Variants in KHDC1 observed in about 807,000 individuals in gnomAD.
KHDC1 encodes the protein KH homology domain-containing protein 1.
Under a neutral mutation model 24.7 loss-of-function variants are expected in KHDC1, and 21 were observed. The ratio of observed to expected loss-of-function variants is 0.85; its 90% CI spans 0.60 to 1.23. The LOEUF (loss-of-function observed/expected upper bound fraction) is 1.23. Among genes scored for constraint, KHDC1 ranks in the 50% most tolerant of loss-of-function variants. The pLI is 0.00. For missense variants in KHDC1, 274 were observed against 298.5 expected, an observed-to-expected ratio of 0.92 and a Z score of 0.61; for synonymous variants, 98 against 111.7, an observed-to-expected ratio of 0.88 and a Z score of 0.77.
At chr6:73,298,658 C>G (rs1424191263) in intron 1 of KHDC1, among the ~76,000 whole-genome samples, 10 of 151,698 alleles carry the variant, frequency 6.6e-5, no homozygotes, top group Non-Finnish European at 1.2e-4. Context: ...GTCAGGATCA[C>G]CTGACCTCAG....
At chr6:73,250,997 G>T (rs946610601) in intron 2 of KHDC1, among the ~76,000 whole-genome samples, 1 of 152,000 alleles carries the variant, frequency 6.6e-6, no homozygotes, top group African/African-American at 2.4e-5. Flanking sequence ...GCTAATTTTT[G>T]TATTTTTAGT....
chr6:73,291,428 T>G (rs1296683530), intron 2 of KHDC1: 1 of 176,588 alleles, frequency 5.7e-6, no homozygotes, highest in Non-Finnish European at 1.2e-5. Flanking sequence ...ATCTTTTAAG[T>G]TGGAACATGT....
chr6:73,264,876 C>G (rs1767053578), intron 2 of KHDC1, among the ~76,000 whole-genome samples: 1 of 152,154 alleles, frequency 6.6e-6, no homozygotes, highest in Non-Finnish European at 1.5e-5. Flanking sequence ...CTTGAGTGAG[C>G]AAGGCAGATT....
chr6:73,264,647 C>G (rs915437089), intron 2 of KHDC1, among the ~76,000 whole-genome samples: 20 of 152,284 alleles, frequency 1.3e-4, no homozygotes, highest in African/African-American at 4.8e-4. Context: ...TTTGGCAAGC[C>G]TGGGCCAGAG....
chr6:73,274,502 A>G (rs1309350011), intron 2 of KHDC1: 1 of 152,236 alleles, frequency 6.6e-6, no homozygotes, highest in East Asian at 1.9e-4. Flanking sequence ...GGGCAAGACC[A>G]GGTGGAAGTA....
intron 1 of KHDC1, among the ~76,000 whole-genome samples, chr6:73,305,907 C>A (rs1206267680): frequency 6.6e-6 from 1 of 152,156 alleles, no homozygotes; most frequent in Non-Finnish European, 1.5e-5. Context: ...GATCTGCCCA[C>A]CTTGGCCTCC....
intron 2 of KHDC1, among the ~76,000 whole-genome samples, chr6:73,261,459 T>G (rs2054043): frequency 0.067 from 10,081 of 150,714 alleles, 350 homozygotes; most frequent in East Asian, 0.13. Context: ...AAATAAAATT[T>G]TTTTTAAAAA....
chr6:73,247,532 T>C (rs1302755099), intron 2 of KHDC1, among the ~76,000 whole-genome samples: 1 of 152,078 alleles, frequency 6.6e-6, no homozygotes, highest in Non-Finnish European at 1.5e-5. Flanking sequence ...CTGAGCCCCT[T>C]TCTGTGCCCC....
chr6:73,292,394 T>C lies in KHDC1; in HGVS notation c.164-354A>G. ...ATTCCAGTATGAATGTGGGAATTAC[T>C]CAGGAGCAGCAGAATATCTTTATTT... On this transcript the variant is annotated intron_variant, in intron 1 of 4. Transcript: ENST00000370384. 3.8e-6 allele frequency: 3 copies of C among 781,088 alleles called. No individual in the cohort carries two copies. The South Asian group carries it at 4.0e-5, about 10-fold the overall frequency. The allele number at this position is 781,088 out of a possible 1,614,324, so 48.4% of individuals were successfully genotyped here. A position where few individuals can be genotyped will look rare whatever the true frequency, so the allele number is the denominator to read the frequency against.
chr6:73,306,543 G>A (rs1243323373), intron 1 of KHDC1, among the ~76,000 whole-genome samples: 1 of 152,142 alleles, frequency 6.6e-6, no homozygotes, highest in African/African-American at 2.4e-5. Flanking sequence ...TGAACTGCTT[G>A]TGCTAAAGCT....
intron 2 of KHDC1, among the ~76,000 whole-genome samples, chr6:73,243,664 C>T (rs1766615433): frequency 6.6e-6 from 1 of 152,170 alleles, no homozygotes; most frequent in Non-Finnish European, 1.5e-5. Flanking sequence ...CAAAACCAGG[C>T]CATGAAATCA....
chr6:73,285,640 CT>C (rs67918543), intron 2 of KHDC1, among the ~76,000 whole-genome samples: 3 of 140,300 alleles, frequency 2.1e-5, no homozygotes, highest in Admixed American at 7.1e-5. Context: ...GGCCCATTTT[CT>C]TTTTTTTCTT....
chr6:73,272,862 C>CTT (rs1290318722), intron 2 of KHDC1, among the ~76,000 whole-genome samples: 1 of 109,006 alleles, frequency 9.2e-6, no homozygotes, highest in African/African-American at 4.3e-5. Context: ...TTTTCTTTTT[C>CTT]TTTTTTTTTT....
intron 2 of KHDC1, among the ~76,000 whole-genome samples, chr6:73,285,739 G>T (rs145390496): frequency 6.6e-6 from 1 of 151,250 alleles, no homozygotes; most frequent in East Asian, 1.9e-4. Context: ...TGCCATGCTG[G>T]TGCGCTGCAC....
intron 2 of KHDC1, among the ~76,000 whole-genome samples, chr6:73,283,357 G>T (rs1767451137): frequency 6.6e-6 from 1 of 151,622 alleles, no homozygotes; most frequent in Non-Finnish European, 1.5e-5. Context: ...AGCAGCTTGT[G>T]GTTTTGTTTA....
intron 2 of KHDC1, among the ~76,000 whole-genome samples, chr6:73,253,939 A>C (rs1477867628): frequency 1.3e-5 from 2 of 152,116 alleles, no homozygotes. Context: ...ACAACAACAA[A>C]AAACAGTAAA....
intron 1 of KHDC1, among the ~76,000 whole-genome samples, chr6:73,293,920 C>T (rs1420159434): frequency 6.6e-6 from 1 of 150,944 alleles, no homozygotes; most frequent in Non-Finnish European, 1.5e-5. Context: ...GCAGGAGAAT[C>T]GCATGAACCC....
At chr6:73,288,562 G>A (rs977381891) in intron 2 of KHDC1, among the ~76,000 whole-genome samples, 3 of 151,964 alleles carry the variant, frequency 2.0e-5, no homozygotes, top group South Asian at 2.1e-4. Context: ...CAGAGGTTGC[G>A]GTGAGCTGAG....
chr6:73,271,052 G>A (rs57140549), intron 2 of KHDC1, among the ~76,000 whole-genome samples: 6,582 of 152,188 alleles, frequency 0.043, 344 homozygotes, highest in African/African-American at 0.12. Flanking sequence ...AATGATGGCA[G>A]TGTTTTTCAG....
Sources: gnomAD v4.1 joint callset for allele counts (sites outside exome capture counted in the v4.1 genomes callset) on GRCh38, gnomAD v4.1.1 for gene constraint, MANE v1.5 for transcripts, NCBI Gene and HGNC (gene_info 2026-07-23, HGNC 2026-07-21) for gene names.